KTN1: variants seen among roughly 807,000 people sequenced by gnomAD.
KTN1 encodes the protein kinectin 1.
KTN1 carries 130 observed loss-of-function variants against 222.5 expected under a neutral mutation model. The observed-to-expected ratio is 0.58, with a 90% CI of 0.51 to 0.68. The LOEUF is 0.68. Ranked by LOEUF, KTN1 falls within the 30% of genes least tolerant of loss-of-function variation. The probability of loss-of-function intolerance (pLI) is 0.00; values close to 1 mark genes in which losing one functional copy is unlikely to be tolerated. For synonymous variants in KTN1, 512 were observed against 496.3 expected (o/e 1.03, Z -0.42); for missense variants, 1,508 against 1,500.4 (o/e 1.01, Z -0.08).
chr14:55,623,774 C>G (rs1402193407), intron 5 of KTN1, among the ~76,000 whole-genome samples: 1 of 152,212 alleles, frequency 6.6e-6, no homozygotes, highest in African/African-American at 2.4e-5. Flanking sequence ...GGAAAAGCTC[C>G]TAGCAGGGAA....
intron 16 of KTN1, 71 bp downstream of exon 16, chr14:55,641,041 C>A: frequency 1.4e-6 from 2 of 1,459,384 alleles, no homozygotes; most frequent in Non-Finnish European, 1.9e-6. Flanking sequence ...GAAAATATTG[C>A]TGCTTATAAC....
chr14:55,601,331 A>ATTT (rs1249048237), intron 1 of KTN1, among the ~76,000 whole-genome samples: 1 of 152,252 alleles, frequency 6.6e-6, no homozygotes, highest in Non-Finnish European at 1.5e-5. Flanking sequence ...AGTGTGGTCT[A>ATTT]TAAAGTTAAT....
intron 1 of KTN1, among the ~76,000 whole-genome samples, chr14:55,600,063 T>A (rs180967987): frequency 5.0e-4 from 76 of 151,396 alleles, no homozygotes; most frequent in African/African-American, 1.7e-3. Context: ...TAGTATTTGA[T>A]GTTCTAATTT....
intron 8 of KTN1, among the ~76,000 whole-genome samples, 173 bp downstream of exon 8, chr14:55,633,514 G>C (rs2040764174): frequency 6.6e-6 from 1 of 151,266 alleles, no homozygotes; most frequent in Non-Finnish European, 1.5e-5. Flanking sequence ...AACTTCTTCA[G>C]TTATACATAT....
intron 42 of KTN1, chr14:55,678,714 C>T (rs758271440): frequency 2.2e-5 from 8 of 360,806 alleles, no homozygotes; most frequent in Non-Finnish European, 3.6e-5. Context: ...CCAGGCCACA[C>T]AGCAGGAGAT....
chr14:55,602,571 A>G (rs1205868692), intron 1 of KTN1, among the ~76,000 whole-genome samples: 1 of 151,292 alleles, frequency 6.6e-6, no homozygotes, highest in African/African-American at 2.4e-5. Flanking sequence ...GTTTTATAAG[A>G]CCTTCAACAC....
intron 36 of KTN1, 59 bp from the exon 37 acceptor site, chr14:55,671,726 T>C: frequency 1.3e-6 from 2 of 1,526,322 alleles, no homozygotes; most frequent in East Asian, 2.3e-5. Flanking sequence ...ATGGCCTAAA[T>C]AGTTTTATCT....
chr14:55,616,705 C>G (rs548409114), intron 3 of KTN1, 51 bp downstream of exon 3: 1 of 1,458,534 alleles, frequency 6.9e-7, no homozygotes, highest in African/African-American at 1.4e-5. Flanking sequence ...GAGAAGTACA[C>G]CAGCACAAGG....
intron 5 of KTN1, among the ~76,000 whole-genome samples, chr14:55,623,602 CTCAA>C (rs1400485225): frequency 2.6e-5 from 4 of 152,208 alleles, no homozygotes; most frequent in Non-Finnish European, 5.9e-5. Flanking sequence ...AGGTCCTGAG[CTCAA>C]TCAGTCGTCC....
At chr14:55,665,966 C>G (rs895363722) in intron 33 of KTN1, among the ~76,000 whole-genome samples, 4 of 151,834 alleles carry the variant, frequency 2.6e-5, no homozygotes, top group African/African-American at 9.6e-5. Context: ...CTCAGTGTCT[C>G]TTTTCCTAAC....
At chr14:55,671,155 C>T (rs935951031) in intron 35 of KTN1, among the ~76,000 whole-genome samples, 3 of 152,228 alleles carry the variant, frequency 2.0e-5, no homozygotes, top group East Asian at 1.9e-4. Flanking sequence ...TCCCCAAATA[C>T]GTCATTAGAG....
intron 1 of KTN1, among the ~76,000 whole-genome samples, chr14:55,600,022 T>G (rs1282289996): frequency 2.0e-5 from 3 of 151,864 alleles, no homozygotes; most frequent in Admixed American, 2.0e-4. Context: ...CTTATTTACA[T>G]AAGCAAAACT....
intron 39 of KTN1, 37 bp downstream of exon 39, chr14:55,673,049 A>T: frequency 6.4e-7 from 1 of 1,557,756 alleles, no homozygotes; most frequent in East Asian, 2.2e-5. Flanking sequence ...TTGCTTCTCA[A>T]TTCAGATTAA....
chr14:55,659,918 TTTG>T (rs1166833676), intron 31 of KTN1, among the ~76,000 whole-genome samples: 17 of 152,162 alleles, frequency 1.1e-4, no homozygotes, highest in African/African-American at 4.1e-4. Flanking sequence ...GAGGGAGATG[TTTG>T]TTTTTGTTTT....
intron 5 of KTN1, among the ~76,000 whole-genome samples, chr14:55,626,892 CCTT>C (rs1333616602): frequency 2.0e-5 from 3 of 151,350 alleles, no homozygotes; most frequent in Non-Finnish European, 4.4e-5. Flanking sequence ...CTTCTTGAGA[CCTT>C]CTTCCAAGAA....
rs2046066492 is a variant in KTN1, at chr14:55,678,412, G to A, written c.3916G>A (p.Val1306Ile). 6.2e-7 allele frequency: 1 copy of A among 1,610,586 alleles called. No individual in the cohort carries two copies. Among genetic ancestry groups the A allele is most frequent in the South Asian group, 1.1e-5 (1 of 91,034 alleles). ...AGTAAAAGCTGCTGGAGACACTACT[G>A]TTATTGAAAATAGTGATGTTTCCCC... ...KIVKAAGDTTVIENSDVSPET... is the reference protein window; with the variant it reads ...KIVKAAGDTTIIENSDVSPET... The change falls in exon 42 of 44, where the codon GTT (valine) becomes ATT (isoleucine). Residue 1306 changes from valine (V) to isoleucine (I), a missense_variant. Transcript: ENST00000395314.
At chr14:55,621,526 A>G (rs1449670467) in intron 5 of KTN1, among the ~76,000 whole-genome samples, 8 of 152,220 alleles carry the variant, frequency 5.3e-5, no homozygotes, top group South Asian at 2.1e-4. Context: ...CATGTCTTAC[A>G]TGGCAGCAGG....
chr14:55,587,952 A>G (rs10135509), intron 1 of KTN1, among the ~76,000 whole-genome samples: 3,649 of 152,192 alleles, frequency 0.024, 100 homozygotes, highest in African/African-American at 0.065. Flanking sequence ...TTTAGTTTTA[A>G]CTTGAAGTAT....
At chr14:55,617,040 A>G (rs952904322) in intron 3 of KTN1, among the ~76,000 whole-genome samples, 4 of 152,296 alleles carry the variant, frequency 2.6e-5, no homozygotes, top group African/African-American at 9.6e-5. Context: ...TACATTTCCA[A>G]TTAATTCCTA....
Sources: allele counts gnomAD v4.1 joint callset (sites outside exome capture counted in the v4.1 genomes callset), GRCh38; gene constraint gnomAD v4.1.1; transcripts MANE v1.5; gene names NCBI Gene and HGNC (gene_info 2026-07-23, HGNC 2026-07-21).